Variants in ADAMTS5 observed in about 807,000 individuals in gnomAD.
ADAMTS5 encodes the protein A disintegrin and metalloproteinase with thrombospondin motifs 5.
A neutral mutation model predicts 81.4 loss-of-function variants in ADAMTS5; 54 were observed. That is an observed-to-expected ratio of 0.66 (90% CI 0.53 to 0.83). The LOEUF (loss-of-function observed/expected upper bound fraction) is 0.83. ADAMTS5 is among the 40% of genes least tolerant of loss of function. The probability of loss-of-function intolerance (pLI) is 0.00; values close to 1 mark genes in which losing one functional copy is unlikely to be tolerated. For synonymous variants in ADAMTS5, 532 were observed against 508.8 expected, an observed-to-expected ratio of 1.05 and a Z score of -0.61; for missense variants, 1,194 against 1,229.9, an observed-to-expected ratio of 0.97 and a Z score of 0.44.
At position 26,965,540 on chromosome 21, in the gene ADAMTS5, G is replaced by A. The variant is rs61750215; in HGVS notation, c.852C>T (p.Gly284=). 7,549 of 1,613,128 alleles carry A rather than the reference G, an allele frequency of 4.7e-3. 35 individuals are homozygous for A. Among genetic ancestry groups the A allele is most frequent in the Non-Finnish European group, 5.1e-3 (6,047 of 1,179,334 alleles). The change falls in exon 1 of 8, where the codon GGC becomes GGT. Residue 284 remains glycine, a synonymous_variant. Transcript: ENST00000284987. The part of the protein sequence containing the change: ...VADASMARLY[G]RGLQHYLLTL... Reference sequence around the variant, plus strand: ...TCAGCAGGTAATGCTGCAGGCCCCGGCCATACAACCGCGCCATGGACGCGT... The same window carrying A: ...TCAGCAGGTAATGCTGCAGGCCCCGACCATACAACCGCGCCATGGACGCGT...
At chr21:26,954,608 T>C (rs1987384819) in intron 2 of ADAMTS5, 131 bp downstream of exon 2, 2 of 1,378,172 alleles carry the variant, frequency 1.5e-6, no homozygotes, top group South Asian at 1.5e-5. Context: ...AGTGCAGATA[T>C]AAACAAATTT....
At chr21:26,961,495 G>A (rs752245682) in intron 1 of ADAMTS5, among the ~76,000 whole-genome samples, 5 of 152,174 alleles carry the variant, frequency 3.3e-5, no homozygotes, top group Non-Finnish European at 7.3e-5. Context: ...TGATTTCCAC[G>A]TGTATCTGTT....
chr21:26,927,791 G>A (rs1440683052), intron 7 of ADAMTS5, among the ~76,000 whole-genome samples: 1 of 152,044 alleles, frequency 6.6e-6, no homozygotes, highest in Admixed American at 6.5e-5. Flanking sequence ...AGACTGCAGT[G>A]TTAGTCCAGG....
chr21:26,934,794 C>G, intron 3 of ADAMTS5, 45 bp from the exon 4 acceptor site: 1 of 1,596,912 alleles, frequency 6.3e-7, no homozygotes, highest in South Asian at 1.1e-5. Flanking sequence ...GTTTAGGTTT[C>G]AAACCGCTAA....
At chr21:26,937,380 T>C (rs185576852) in intron 3 of ADAMTS5, among the ~76,000 whole-genome samples, 1 of 152,358 alleles carries the variant, frequency 6.6e-6, no homozygotes, top group African/African-American at 2.4e-5. Context: ...GATCTTCTCT[T>C]GCTTAAAATA....
chr21:26,946,475 G>A (rs1601011246), intron 2 of ADAMTS5, among the ~76,000 whole-genome samples: 2 of 152,270 alleles, frequency 1.3e-5, no homozygotes, highest in Non-Finnish European at 2.9e-5. Flanking sequence ...TGTCTTTTAA[G>A]TAGGGATTGT....
In ADAMTS5 at chr21:26,956,421, C is replaced by G. The variant is rs555902745; in HGVS notation, c.1105-1550G>C. Among the ~76,000 whole-genome samples, 3 of 152,270 alleles carry G rather than the reference C, an allele frequency of 2.0e-5. No individual in the cohort carries two copies. In the East Asian group the frequency reaches 5.8e-4, roughly 29 times the overall value. On this transcript the variant is annotated intron_variant, in intron 1 of 7. Coordinates refer to ENST00000284987, the MANE Select transcript of ADAMTS5 (RefSeq NM_007038.5). ...AAAACCAACAGCCTTCCAAAGTTTCCTGTATATCCTCCCATGTCATCCCAT... is the reference window on the plus strand; with the variant it reads ...AAAACCAACAGCCTTCCAAAGTTTCGTGTATATCCTCCCATGTCATCCCAT...
In ADAMTS5 at chr21:26,967,056, A is replaced by G. The variant is rs1403431095; in HGVS notation, c.-665T>C. ...CTGCCCGCCGTCATCCCCAGTCGGC[A>G]GCTGCGAGCGCCGAGAGCAGCGCGA... is the stretch of plus-strand genomic sequence containing the variant. On this transcript the variant is annotated 5_prime_UTR_variant, in exon 1 of 8. Coordinates refer to ENST00000284987, the MANE Select transcript of ADAMTS5 (RefSeq NM_007038.5). 6.6e-6 allele frequency among the ~76,000 whole-genome samples: 1 copy of G among 152,256 alleles called. No homozygotes were observed. The highest frequency in any genetic ancestry group is 2.4e-5 in the African/African-American group (1 of 41,478).
chr21:26,946,200 A>G (rs1987212373), intron 2 of ADAMTS5, among the ~76,000 whole-genome samples: 1 of 152,168 alleles, frequency 6.6e-6, no homozygotes, highest in African/African-American at 2.4e-5. Flanking sequence ...GGATGTTTGG[A>G]TGCTCTTCAG....
Position 26,921,178 on chromosome 21 carries a change from TG to T in ADAMTS5, c.*2874del, listed in dbSNP as rs1239927454. On this transcript the variant is annotated 3_prime_UTR_variant, in exon 8 of 8. Transcript: ENST00000284987. ...TTTTTCAGTGCTGCAACTTTTTTTT[TG>T]TTTGTGATTTATCCCCTAATTCCTA... 9 of 152,534 alleles carry T rather than the reference TG, an allele frequency of 5.9e-5. No homozygotes were observed. Among genetic ancestry groups the T allele is most frequent in the Admixed American group, 1.3e-4 (2 of 15,262 alleles). The allele number at this position is 152,534 out of a possible 1,614,324, so 9.4% of individuals were successfully genotyped here.
intron 6 of ADAMTS5, among the ~76,000 whole-genome samples, chr21:26,930,865 A>T (rs1449153354): frequency 6.6e-6 from 1 of 152,102 alleles, no homozygotes; most frequent in East Asian, 1.9e-4. Flanking sequence ...AATATACTTT[A>T]TCAGGTTAAT....
chr21:26,939,196 T>G (rs1480414130), intron 3 of ADAMTS5, among the ~76,000 whole-genome samples: 1 of 152,158 alleles, frequency 6.6e-6, no homozygotes, highest in African/African-American at 2.4e-5. Flanking sequence ...CAGACAATTG[T>G]TGTCAAAAAG....
intron 1 of ADAMTS5, among the ~76,000 whole-genome samples, chr21:26,961,826 C>CA (rs1450966747): frequency 6.6e-6 from 1 of 152,122 alleles, no homozygotes. Flanking sequence ...TTAGTCCAGG[C>CA]AGCAAGCCAA....
At chr21:26,934,177 A>G (rs1986967274) in intron 4 of ADAMTS5, among the ~76,000 whole-genome samples, 1 of 152,158 alleles carries the variant, frequency 6.6e-6, no homozygotes, top group Non-Finnish European at 1.5e-5. Context: ...CCCAAAAGCA[A>G]TTAATAGGGT....
At chr21:26,937,936 G>A (rs1020457102) in intron 3 of ADAMTS5, among the ~76,000 whole-genome samples, 9 of 152,102 alleles carry the variant, frequency 5.9e-5, no homozygotes, top group African/African-American at 2.2e-4. Flanking sequence ...TTTATAAATG[G>A]ATAGACTATA....
intron 3 of ADAMTS5, among the ~76,000 whole-genome samples, chr21:26,938,474 T>A (rs971285647): frequency 3.9e-5 from 6 of 152,214 alleles, no homozygotes; most frequent in Non-Finnish European, 7.4e-5. Context: ...TAGTTTCATA[T>A]GTCTGACTTA....
chr21:26,961,337 C>T (rs980200159), intron 1 of ADAMTS5, among the ~76,000 whole-genome samples: 14 of 152,222 alleles, frequency 9.2e-5, no homozygotes, highest in Non-Finnish European at 4.4e-5. Context: ...CCAATCTATC[C>T]ATCCTTTGAG....
At chr21:26,949,621 CTAGA>C (rs1987281752) in intron 2 of ADAMTS5, among the ~76,000 whole-genome samples, 1 of 152,228 alleles carries the variant, frequency 6.6e-6, no homozygotes, top group African/African-American at 2.4e-5. Flanking sequence ...CACACATGTG[CTAGA>C]TAATCTATAG....
chr21:26,924,736 CTT>C lies in ADAMTS5; in HGVS notation c.2226-118_2226-117del, dbSNP rs530345454. On this transcript the variant is annotated intron_variant, in intron 7 of 7. Transcript: ENST00000284987. ...ACAGAAGTTCTCTAAAAAGTCTTCTCTTAACACACAGTTTTAATGGATTAGTT... is the reference window on the plus strand; with the variant it reads ...ACAGAAGTTCTCTAAAAAGTCTTCTCAACACACAGTTTTAATGGATTAGTT... 281 of 878,234 alleles carry C rather than the reference CTT, an allele frequency of 3.2e-4. 5 individuals carry two copies. In the Admixed American group the frequency reaches 6.9e-3, roughly 22 times the overall value. 54.4% of individuals were successfully genotyped at this position (878,234 alleles called of 1,614,324 possible).
Sources: allele counts gnomAD v4.1 joint callset (sites outside exome capture counted in the v4.1 genomes callset), GRCh38; gene constraint gnomAD v4.1.1; transcripts MANE v1.5; gene names NCBI Gene and HGNC (gene_info 2026-07-23, HGNC 2026-07-21).